PPFIA3: variants seen among roughly 807,000 people sequenced by gnomAD.
The protein encoded by PPFIA3 is liprin-alpha-3.
PPFIA3 carries 26 observed loss-of-function variants against 145.8 expected under a neutral mutation model. The observed-to-expected ratio is 0.18, with a 90% CI of 0.13 to 0.25. The LOEUF (loss-of-function observed/expected upper bound fraction) is 0.25. PPFIA3 is among the 10% of genes least tolerant of loss of function. PPFIA3 has a pLI of 1.00. For missense variants in PPFIA3, 1,008 were observed against 1,587.8 expected (o/e 0.63, Z 6.21); for synonymous variants, 645 against 661.4 (o/e 0.98, Z 0.38).
rs767013704 is a variant in PPFIA3, at chr19:49,149,198, G to GCTCCCCACTC, written c.3285+30_3285+31insCTCCCCACTC. 21 of 1,613,768 alleles carry GCTCCCCACTC rather than the reference G, an allele frequency of 1.3e-5. No homozygotes were observed. ...GCTGCCGCTGGGCCCGGAGCATGCT[G>GCTCCCCACTC]GGCGTCCCCACCTCGCAGACTGCAC... On this transcript the variant is annotated intron_variant, in intron 26 of 29. Coordinates refer to ENST00000334186, the MANE Select transcript of PPFIA3 (RefSeq NM_003660.4). This position sits in a 1 kb window ranked among gnomAD's most constrained non-coding sequence, Gnocchi z 5.7.
Position 49,128,559 on chromosome 19 carries a change from T to C in PPFIA3, c.342+91T>C. On this transcript the variant is annotated intron_variant, in intron 3 of 29. Coordinates refer to ENST00000334186, the MANE Select transcript of PPFIA3 (RefSeq NM_003660.4). The surrounding 1 kb of genome is among the most constrained non-coding windows in gnomAD (Gnocchi z 4.1). ...GGCCTCTCAGTGTTGCAGCGTGACC[T>C]ATTTTTTTCCCCCATCTCGCCTTTC... is the stretch of plus-strand genomic sequence containing the variant. 1 of 1,244,224 alleles carries C rather than the reference T, an allele frequency of 8.0e-7. No homozygotes were observed. The highest frequency in any genetic ancestry group is 1.1e-6 in the Non-Finnish European group (1 of 871,146). 77.1% of individuals were successfully genotyped at this position (1,244,224 alleles called of 1,614,324 possible).
rs2041319690 is a variant in PPFIA3 at position 49,149,521 on chromosome 19, A to C, written c.3355-26A>C. The C allele has an allele frequency of 6.2e-7, 1 of 1,613,590 alleles. No homozygotes were observed. The highest frequency in any genetic ancestry group is 1.7e-5 in the Admixed American group (1 of 59,934). ...GAGTCAGACAAGGCAGGAGTCCCTCACCGGCTGTCCGGCTCCTATACCTAG... is the reference window on the plus strand; with the variant it reads ...GAGTCAGACAAGGCAGGAGTCCCTCCCCGGCTGTCCGGCTCCTATACCTAG... On this transcript the variant is annotated intron_variant, in intron 27 of 29. Transcript: ENST00000334186. The surrounding 1 kb of genome is among the most constrained non-coding windows in gnomAD (Gnocchi z 5.7).
intron 23 of PPFIA3, among the ~76,000 whole-genome samples, chr19:49,146,601 G>A (rs755196751): frequency 6.6e-5 from 10 of 152,182 alleles, no homozygotes; most frequent in Non-Finnish European, 1.3e-4. Context: ...GGCTGAATGA[G>A]AAGTTGGGGA....
At chr19:49,142,571 T>C (rs1600347211) in intron 20 of PPFIA3, among the ~76,000 whole-genome samples, 3 of 121,052 alleles carry the variant, frequency 2.5e-5, no homozygotes, top group Admixed American at 8.7e-5. Context: ...CTCTCCCTCT[T>C]CCCCCACCCG....
At chr19:49,138,784 A>G (rs2041172842) in intron 16 of PPFIA3, among the ~76,000 whole-genome samples, 1 of 152,204 alleles carries the variant, frequency 6.6e-6, no homozygotes, top group African/African-American at 2.4e-5. Flanking sequence ...CACCTGGCCA[A>G]CATGGTGAAA....
chr19:49,131,335 ATTTTTTTTTT>A (rs10553520), intron 7 of PPFIA3, among the ~76,000 whole-genome samples: 1 of 108,444 alleles, frequency 9.2e-6, no homozygotes, highest in African/African-American at 3.6e-5. Flanking sequence ...CACCTGGCTA[ATTTTTTTTTT>A]TTTTTTTTTT....
intron 23 of PPFIA3, 119 bp downstream of exon 23, chr19:49,146,311 C>T (rs562068856): frequency 5.4e-6 from 7 of 1,301,690 alleles, no homozygotes; most frequent in Non-Finnish European, 6.4e-6. Context: ...CATGGGGGGG[C>T]GCTGCGCCAA....
At chr19:49,127,765 T>C (rs2041020345) in intron 1 of PPFIA3, 94 bp from the exon 2 acceptor site, 3 of 1,458,948 alleles carry the variant, frequency 2.1e-6, no homozygotes, top group South Asian at 1.3e-5. Flanking sequence ...TGCCCCCAAC[T>C]ATTTCCCCTA....
In PPFIA3 at chr19:49,129,384, G is replaced by GGACCT. The variant is rs1324337892; in HGVS notation, c.513_514insACCTG (p.Glu172ThrfsTer21). ...TTGCCCTGCCCCGATCCCCAGGTCCGGGAGCGGCTGCGGATGGCGCTGGAG... is the reference window on the plus strand; with the variant it reads ...TTGCCCTGCCCCGATCCCCAGGTCCGGACCTGGAGCGGCTGCGGATGGCGCTGGAG... On this transcript the variant is annotated frameshift_variant, in exon 5 of 30. Coordinates refer to ENST00000334186, the MANE Select transcript of PPFIA3 (RefSeq NM_003660.4). LOFTEE classifies it high-confidence loss of function. The GGACCT allele has an allele frequency of 6.5e-7, 1 of 1,550,074 alleles. No individual in the cohort carries two copies. The highest frequency in any genetic ancestry group is 8.7e-7 in the Non-Finnish European group (1 of 1,147,158).
intron 15 of PPFIA3, 47 bp downstream of exon 15, chr19:49,136,958 C>T (rs1329305302): frequency 3.5e-6 from 5 of 1,432,536 alleles, no homozygotes; most frequent in Non-Finnish European, 3.7e-6. Flanking sequence ...CCGGAGCTGA[C>T]TCCACAGCCC....
chr19:49,147,514 C>T lies in PPFIA3; in HGVS notation c.2836-569C>T, dbSNP rs1475275840. On this transcript the variant is annotated intron_variant, in intron 23 of 29. Coordinates refer to ENST00000334186, the MANE Select transcript of PPFIA3 (RefSeq NM_003660.4). The stretch of plus-strand genomic sequence containing the variant: ...CAGCCTGGCCAACATGGTGAAACGC[C>T]GTCTCTACTAAAAAATACAAAAATT... Among the ~76,000 whole-genome samples, 7 of 152,052 alleles carry T rather than the reference C, an allele frequency of 4.6e-5. No individual in the cohort carries two copies. The South Asian group carries it at 1.2e-3, about 27-fold the overall frequency.
In PPFIA3 at chr19:49,133,506, G is replaced by C. The variant is rs535593356; in HGVS notation, c.1161+135G>C. On this transcript the variant is annotated intron_variant, in intron 9 of 29. Coordinates refer to ENST00000334186, the MANE Select transcript of PPFIA3 (RefSeq NM_003660.4). The surrounding 1 kb of genome is among the most constrained non-coding windows in gnomAD (Gnocchi z 7.2). ...GGGAAAGGGTGGGGCCTAGGGGCTG[G>C]GAAAGGGACAGGACTTGGAATGGGG... The C allele has an allele frequency of 3.3e-5, 39 of 1,180,480 alleles. 2 individuals are homozygous for C. The South Asian group carries it at 6.2e-4, about 19-fold the overall frequency. 73.1% of individuals were successfully genotyped at this position (1,180,480 alleles called of 1,614,324 possible). A position where few individuals can be genotyped will look rare whatever the true frequency, so the allele number is the denominator to read the frequency against.
chr19:49,139,801 C>G lies in PPFIA3; in HGVS notation c.2210C>G (p.Ser737Cys). ...MTQALALQAG[S>C]LEDGGPPRGS... ...CAGGCCTTGGCACTGCAGGCGGGGT[C>G]CCTGGAAGATGGGGGACCCCCACGG... is the stretch of plus-strand genomic sequence containing the variant. The change falls in exon 17 of 30, where the codon TCC (serine) becomes TGC (cysteine). Residue 737 changes from serine (S) to cysteine (C), a missense_variant. Ser to Cys is a moderately radical substitution (Grantham distance 112). This residue lies in a region of PPFIA3 where 202 missense variants were observed against 241.8 expected (regional missense o/e 0.84). Coordinates refer to ENST00000334186, the MANE Select transcript of PPFIA3 (RefSeq NM_003660.4). The G allele has an allele frequency of 6.2e-7, 1 of 1,612,068 alleles. No homozygotes were observed. Among genetic ancestry groups the G allele is most frequent in the Non-Finnish European group, 8.5e-7 (1 of 1,178,680 alleles).
At chr19:49,134,568 G>C in intron 11 of PPFIA3, 71 bp from the exon 12 acceptor site, 2 of 1,409,742 alleles carry the variant, frequency 1.4e-6, no homozygotes, top group Admixed American at 3.4e-5. Context: ...TGTGTGCACT[G>C]GGAGCTGCCT....
Position 49,146,210 on chromosome 19 carries a change from G to A in PPFIA3, c.2835+18G>A, listed in dbSNP as rs2041278652. 2 of 1,612,704 alleles carry A rather than the reference G, an allele frequency of 1.2e-6. No homozygotes were observed. The highest frequency in any genetic ancestry group is 1.3e-5 in the African/African-American group (1 of 74,902). The stretch of plus-strand genomic sequence containing the variant: ...GGGAGCAGGTAGGGGGCGCGGGGCG[G>A]GGCGTGAGCGCATGAACAGGCTGTG... On this transcript the variant is annotated intron_variant, in intron 23 of 29. Transcript: ENST00000334186.
Position 49,128,014 on chromosome 19 carries a change from C to A in PPFIA3, c.141C>A (p.Arg47=). The A allele has an allele frequency of 1.3e-6, 2 of 1,596,480 alleles. No individual in the cohort carries two copies. Among genetic ancestry groups the A allele is most frequent in the South Asian group, 1.1e-5 (1 of 91,004 alleles). The change falls in exon 2 of 30, where the codon CGC becomes CGA. Residue 47 remains arginine, a synonymous_variant. Coordinates refer to ENST00000334186, the MANE Select transcript of PPFIA3 (RefSeq NM_003660.4). The surrounding 1 kb of genome is among the most constrained non-coding windows in gnomAD (Gnocchi z 4.1). ...TERERLLETL[R]EAQDGLATAQ... is the part of the protein sequence containing the mutation. ...GCGAGCGCCTGCTGGAGACGCTGCG[C>A]GAGGCACAGGACGGGTTGGCTACAG... is the stretch of plus-strand genomic sequence containing the variant.
At chr19:49,136,983 G>A in intron 15 of PPFIA3, 72 bp downstream of exon 15, 3 of 1,353,482 alleles carry the variant, frequency 2.2e-6, no homozygotes, top group Non-Finnish European at 2.9e-6. Context: ...GGCTCTGGAG[G>A]CCTGAAAGCC....
intron 11 of PPFIA3, 40 bp from the exon 12 acceptor site, chr19:49,134,599 C>T (rs953528496): frequency 1.3e-6 from 2 of 1,596,942 alleles, no homozygotes; most frequent in East Asian, 2.2e-5. Context: ...GGGCGTGGCC[C>T]CTCAGGCCTC....
At chr19:49,125,111 G>A (rs1171315998) in intron 1 of PPFIA3, among the ~76,000 whole-genome samples, 1 of 152,006 alleles carries the variant, frequency 6.6e-6, no homozygotes, top group Non-Finnish European at 1.5e-5. Context: ...CCTATGGCTG[G>A]CTTGCCCTCT....
Sources: gnomAD v4.1 joint callset for allele counts (sites outside exome capture counted in the v4.1 genomes callset) on GRCh38, gnomAD v4.1.1 for gene constraint, gnomAD v4.1.1 regional missense constraint, Gnocchi (gnomAD v3.1) non-coding constraint, MANE v1.5 for transcripts, NCBI Gene and HGNC (gene_info 2026-07-23, HGNC 2026-07-21) for gene names.